Variants in FAM3A observed in about 807,000 individuals in gnomAD.
FAM3A encodes FAM3 metabolism regulating signaling molecule A.
In FAM3A, 5 loss-of-function variants were observed where a neutral mutation model predicts 18.1. The observed-to-expected ratio is 0.28, with a 90% CI of 0.14 to 0.58. The LOEUF (loss-of-function observed/expected upper bound fraction) is 0.58, where lower values mean the gene tolerates loss of function less well. FAM3A is among the 20% of genes least tolerant of loss of function. The pLI is 0.91. For synonymous variants in FAM3A, 108 were observed against 90.2 expected, an observed-to-expected ratio of 1.20 and a Z score of -1.12; for missense variants, 154 against 216.6, an observed-to-expected ratio of 0.71 and a Z score of 1.81.
At chrX:154,509,576 C>G (rs950859610) in intron 3 of FAM3A, 9 of 111,786 alleles carry the variant, frequency 8.1e-5, no homozygotes, top group African/African-American at 2.3e-4. Context: ...ATACCACAGA[C>G]TGGGTAATTT....
chrX:154,512,465 G>A (rs1195864889), intron 2 of FAM3A: 1 of 228,701 alleles, frequency 4.4e-6, no homozygotes, highest in African/African-American at 3.0e-5. Context: ...AAGTACTCAG[G>A]TGACCTATTA....
intron 3 of FAM3A, 142 bp downstream of exon 3, chrX:154,511,706 G>T: frequency 1.8e-6 from 1 of 559,074 alleles, no homozygotes; most frequent in Non-Finnish European, 3.1e-6. Flanking sequence ...AACTTGTTTT[G>T]TAGGTTGACA....
intron 2 of FAM3A, chrX:154,512,268 A>G (rs1363752701): frequency 8.7e-6 from 2 of 230,649 alleles, no homozygotes; most frequent in Admixed American, 6.2e-5. Context: ...AATAATAATA[A>G]GAAGAAGAAG....
At chrX:154,508,370 G>GGGGGGGGGGGGGC in intron 4 of FAM3A, 23 bp from the exon 5 acceptor site, 1 of 317,098 alleles carries the variant, frequency 3.2e-6, no homozygotes, top group Non-Finnish European at 5.5e-6. Context: ...GGGTGGGGGG[G>GGGGGGGGGGGGGC]ACGGGGAGAT....
chrX:154,508,855 C>G (rs1242178370), intron 3 of FAM3A: 1 of 471,394 alleles, frequency 2.1e-6, no homozygotes, highest in African/African-American at 2.4e-5. Flanking sequence ...GCCTGGGCCA[C>G]TGCACAGCCA....
intron 3 of FAM3A, chrX:154,509,009 CTG>C: frequency 3.7e-6 from 1 of 270,888 alleles, no homozygotes; most frequent in South Asian, 3.5e-5. Context: ...GTTGGGAGGA[CTG>C]GAGCAGGATG....
intron 1 of FAM3A, 50 bp from the exon 2 acceptor site, chrX:154,512,986 C>T: frequency 1.2e-6 from 1 of 825,389 alleles, no homozygotes; most frequent in Non-Finnish European, 1.8e-6. Flanking sequence ...ACCAGCGAAC[C>T]CCAGAATGAC....
At position 154,506,552 on chromosome X, in the gene FAM3A, C is replaced by T. The variant is rs782506757; in HGVS notation, c.*259G>A. ...GGAGGACAGGGCTAGATGGGCTGACCGGGGGGAACAGTGTTACGAAAAGGA... is the reference window on the plus strand; with the variant it reads ...GGAGGACAGGGCTAGATGGGCTGACTGGGGGGAACAGTGTTACGAAAAGGA... On this transcript the variant is annotated 3_prime_UTR_variant, in exon 9 of 9. Coordinates refer to ENST00000447601, the MANE Select transcript of FAM3A (RefSeq NM_021806.4). 3 of 383,024 alleles carry T rather than the reference C, an allele frequency of 7.8e-6. No individual in the cohort carries two copies. The highest frequency in any genetic ancestry group is 3.8e-5 in the South Asian group (1 of 26,228). The allele number at this position is 383,024 out of a possible 1,213,427, so 31.6% of individuals were successfully genotyped here.
chrX:154,508,338 G>A lies in FAM3A; in HGVS notation c.285C>T (p.Ser95=). Residue 95 remains serine, a synonymous_variant, in exon 5 of 9, where the codon AGC becomes AGT. Transcript: ENST00000447601. ...KICLEDKMLM[S]SVKDNVGRGL... The stretch of plus-strand genomic sequence containing the variant: ...CGCGGCCCACGTTGTCCTTGACGCT[G>A]CTCATCAGCCTAGTTGGGGGGGGGT... 2 of 898,035 alleles carry A rather than the reference G, an allele frequency of 2.2e-6. No individual in the cohort carries two copies. 74.0% of individuals were successfully genotyped at this position (898,035 alleles called of 1,213,427 possible).
In FAM3A at chrX:154,506,388, C is replaced by T; in HGVS notation, c.*423G>A. 7.0e-6 allele frequency: 1 copy of T among 143,395 alleles called. No homozygotes were observed. Among genetic ancestry groups the T allele is most frequent in the Non-Finnish European group, 1.4e-5 (1 of 71,569 alleles). 11.8% of individuals were successfully genotyped at this position (143,395 alleles called of 1,213,427 possible). A position where few individuals can be genotyped will look rare whatever the true frequency, so the allele number is the denominator to read the frequency against. ...TCACACTGGAAACATGTTTAGCCCG[C>T]AGTGCAGAGTGGCTCCAGAAGGGAG... On this transcript the variant is annotated 3_prime_UTR_variant, in exon 9 of 9. Coordinates refer to ENST00000447601, the MANE Select transcript of FAM3A (RefSeq NM_021806.4).
chrX:154,515,582 C>T (rs1404060577), intron 1 of FAM3A, among the ~76,000 whole-genome samples, 178 bp downstream of exon 1: 2 of 112,365 alleles, frequency 1.8e-5, no homozygotes, highest in South Asian at 3.6e-4. Context: ...GAGCTGACGT[C>T]CTCAGAGGTG....
Position 154,508,560 on chromosome X carries a change from C to G in FAM3A, c.189G>C (p.Gln63His), listed in dbSNP as rs1168329820. 9 of 1,198,614 alleles carry G rather than the reference C, an allele frequency of 7.5e-6. No homozygotes were observed. The highest frequency in any genetic ancestry group is 1.0e-5 in the Non-Finnish European group (9 of 889,108). The change falls in exon 4 of 9, where the codon CAG becomes CAC. Residue 63 changes from glutamine to histidine, a missense_variant. Gln to His is a conservative substitution (Grantham distance 24). Coordinates refer to ENST00000447601, the MANE Select transcript of FAM3A (RefSeq NM_021806.4). ...RARKYKCGLP[Q>H]PCPEEHLAFR... ...AGGCCAGGTGCTCCTCAGGACACGG[C>G]TGGGGCAGGCCACACTTGTACTTCC...
intron 6 of FAM3A, 91 bp from the exon 7 acceptor site, chrX:154,507,581 G>A: frequency 1.0e-6 from 1 of 998,947 alleles, no homozygotes; most frequent in Non-Finnish European, 1.4e-6. Flanking sequence ...AACAGAAGTA[G>A]GGATTGGGCC....
intron 3 of FAM3A, chrX:154,510,118 G>C (rs1557221810): frequency 8.9e-6 from 1 of 112,335 alleles, no homozygotes; most frequent in Non-Finnish European, 1.9e-5. Context: ...TGTGATCCCA[G>C]CACCTTGGGA....
intron 5 of FAM3A, 63 bp downstream of exon 5, chrX:154,508,226 G>C (rs935798315): frequency 5.5e-6 from 5 of 902,184 alleles, no homozygotes; most frequent in Non-Finnish European, 6.0e-6. Flanking sequence ...CAAACACCCA[G>C]AGGCCTCCTG....
Position 154,508,353 on chromosome X carries a change from TGGGG to T in FAM3A, c.276-10_276-7del. The T allele has an allele frequency of 3.4e-6, 1 of 291,847 alleles. No homozygotes were observed. The highest frequency in any genetic ancestry group is 4.8e-6 in the Non-Finnish European group (1 of 206,766). 24.1% of individuals were successfully genotyped at this position (291,847 alleles called of 1,213,427 possible). A position where few individuals can be genotyped will look rare whatever the true frequency, so the allele number is the denominator to read the frequency against. On this transcript the variant is annotated splice_region_variant and splice_polypyrimidine_tract_variant and intron_variant, in intron 4 of 8. Coordinates refer to ENST00000447601, the MANE Select transcript of FAM3A (RefSeq NM_021806.4). ...CCTTGACGCTGCTCATCAGCCTAGT[TGGGG>T]GGGGGTGGGGGGGACGGGGAGATCC...
intron 6 of FAM3A, 124 bp downstream of exon 6, chrX:154,507,687 C>A (rs2069628278): frequency 1.2e-6 from 1 of 864,128 alleles, no homozygotes; most frequent in Admixed American, 2.6e-5. Flanking sequence ...ATGCCCCTGT[C>A]CTTTCTGAAC....
rs2070177439 is a variant in FAM3A, at chrX:154,516,062, G to C, written c.-290C>G. 1 of 315,496 alleles carries C rather than the reference G, an allele frequency of 3.2e-6. No individual in the cohort carries two copies. The highest frequency in any genetic ancestry group is 5.5e-6 in the Non-Finnish European group (1 of 180,613). 26.0% of individuals were successfully genotyped at this position (315,496 alleles called of 1,213,427 possible). A position where few individuals can be genotyped will look rare whatever the true frequency, so the allele number is the denominator to read the frequency against. On this transcript the variant is annotated 5_prime_UTR_variant, in exon 1 of 9. Transcript: ENST00000447601. ...CGAAGATGTGGTTCTCCTGGGCTCG[G>C]GCCGTTCCTCCGGGCCTGGGGGCTG...
chrX:154,511,753 T>A, intron 3 of FAM3A, 95 bp downstream of exon 3: 1 of 860,536 alleles, frequency 1.2e-6, no homozygotes, highest in Non-Finnish European at 1.7e-6. Context: ...ACAGCTGGTT[T>A]GGGGAGGAAT....
Sources: gnomAD v4.1 joint callset for allele counts (sites outside exome capture counted in the v4.1 genomes callset) on GRCh38, gnomAD v4.1.1 for gene constraint, MANE v1.5 for transcripts, NCBI Gene and HGNC (gene_info 2026-07-23, HGNC 2026-07-21) for gene names.